MED27: variants seen among roughly 807,000 people sequenced by gnomAD.
MED27 encodes mediator complex subunit 27.
In MED27, 30 loss-of-function variants were observed where a neutral mutation model predicts 38.2. The ratio of observed to expected loss-of-function variants is 0.79; its 90% CI spans 0.59 to 1.07. The LOEUF is 1.07. Among genes scored for constraint, MED27 ranks in the 50% least tolerant of loss-of-function variants. The probability of loss-of-function intolerance (pLI) is 0.00; values close to 1 mark genes in which losing one functional copy is unlikely to be tolerated. For synonymous variants in MED27, 122 were observed against 153.5 expected (o/e 0.79, Z 1.52); for missense variants, 289 against 397.5 (o/e 0.73, Z 2.32).
At chr9:132,068,659 G>A (rs983331699) in intron 2 of MED27, among the ~76,000 whole-genome samples, 3 of 152,182 alleles carry the variant, frequency 2.0e-5, no homozygotes, top group Non-Finnish European at 4.4e-5. Flanking sequence ...AGGGATCTGG[G>A]TAGGTGGCTG....
At chr9:131,874,485 A>G (rs1272180030) in intron 6 of MED27, among the ~76,000 whole-genome samples, 1 of 152,040 alleles carries the variant, frequency 6.6e-6, no homozygotes, top group African/African-American at 2.4e-5. Flanking sequence ...AATGGGAGAG[A>G]AAGTGGACAG....
At chr9:132,008,401 C>T (rs574350859) in intron 3 of MED27, among the ~76,000 whole-genome samples, 2 of 152,310 alleles carry the variant, frequency 1.3e-5, no homozygotes, top group African/African-American at 2.4e-5. Flanking sequence ...TTTACGGAAA[C>T]GATAGCACCC....
chr9:131,863,471 TC>T (rs1324480491), intron 6 of MED27, among the ~76,000 whole-genome samples: 3 of 152,170 alleles, frequency 2.0e-5, no homozygotes, highest in Non-Finnish European at 4.4e-5. Context: ...ATCCCAAGCC[TC>T]CCTGCTCAGC....
intron 3 of MED27, among the ~76,000 whole-genome samples, chr9:131,957,051 C>A (rs1831120489): frequency 6.6e-6 from 1 of 152,182 alleles, no homozygotes; most frequent in African/African-American, 2.4e-5. Flanking sequence ...GGTGAGGATG[C>A]AGAGCAAGGA....
intron 6 of MED27, among the ~76,000 whole-genome samples, chr9:131,881,234 A>G (rs548897985): frequency 6.6e-6 from 1 of 152,366 alleles, no homozygotes; most frequent in South Asian, 2.1e-4. Flanking sequence ...AATGACAAGG[A>G]CAGTCAGCAC....
intron 4 of MED27, among the ~76,000 whole-genome samples, chr9:131,908,664 G>A (rs1324100049): frequency 6.6e-6 from 1 of 152,114 alleles, no homozygotes; most frequent in Non-Finnish European, 1.5e-5. Context: ...TTGTTAAACC[G>A]ATGCTTGAAG....
intron 2 of MED27, among the ~76,000 whole-genome samples, chr9:132,023,480 T>G (rs1252392931): frequency 6.6e-6 from 1 of 152,224 alleles, no homozygotes; most frequent in Non-Finnish European, 1.5e-5. Flanking sequence ...TAGATTTAGC[T>G]GGAGAGTTTA....
Position 131,860,622 on chromosome 9 carries a change from G to A in MED27, c.852C>T (p.Cys284=), listed in dbSNP as rs750350301. 1.1e-5 allele frequency: 17 copies of A among 1,611,704 alleles called. No homozygotes were observed. Among genetic ancestry groups the A allele is most frequent in the East Asian group, 2.2e-5 (1 of 44,752 alleles). ...GAAGGCCGTCCTGCAGAAACTTCCC[G>A]CAGCGCTGGCACGGGGCCTGGAACA... ...IKLFQAPCQR[C]GKFLQDGLPP... The change falls in exon 8 of 8, where the codon TGC becomes TGT. Residue 284 remains cysteine (C), a synonymous_variant. Coordinates refer to ENST00000292035, the MANE Select transcript of MED27 (RefSeq NM_004269.4). The surrounding 1 kb of genome is among the most constrained non-coding windows in gnomAD (Gnocchi z 5.8).
chr9:131,947,209 G>T lies in MED27; in HGVS notation c.480-7735C>A, dbSNP rs190603590. Among the ~76,000 whole-genome samples the T allele has an allele frequency of 1.0e-3, 155 of 152,240 alleles. 1 individual carries two copies. Among genetic ancestry groups the T allele is most frequent in the South Asian group, 6.0e-3 (29 of 4,810 alleles). On this transcript the variant is annotated intron_variant, in intron 3 of 7. Transcript: ENST00000292035. ...TCTCTTTAGCAGAGGAAGATGTGAG[G>T]TGTCGGGGGTCCATTACATTAGCCA...
Position 131,967,059 on chromosome 9 carries a change from G to A in MED27, c.480-27585C>T, listed in dbSNP as rs188780640. On this transcript the variant is annotated intron_variant, in intron 3 of 7. Transcript: ENST00000292035. ...AATAACCATGCATGTAATGTGCTTGGCACAGGGTCTAGCATATGATATGTG... is the reference window on the plus strand; with the variant it reads ...AATAACCATGCATGTAATGTGCTTGACACAGGGTCTAGCATATGATATGTG... Among the ~76,000 whole-genome samples, 4 of 152,330 alleles carry A rather than the reference G, an allele frequency of 2.6e-5. No homozygotes were observed. The East Asian group carries it at 7.7e-4, about 29-fold the overall frequency.
chr9:131,894,704 C>A (rs951726001), intron 4 of MED27, among the ~76,000 whole-genome samples: 2 of 152,070 alleles, frequency 1.3e-5, no homozygotes, highest in African/African-American at 2.4e-5. Context: ...ATAGGCTCAG[C>A]ACCAAGAATA....
intron 3 of MED27, among the ~76,000 whole-genome samples, chr9:131,953,722 A>T (rs1274889376): frequency 6.6e-6 from 1 of 152,148 alleles, no homozygotes; most frequent in Non-Finnish European, 1.5e-5. Flanking sequence ...ACAGTAAGGC[A>T]GGTAATTAAA....
intron 2 of MED27, among the ~76,000 whole-genome samples, chr9:132,059,240 G>C (rs1833648219): frequency 6.6e-6 from 1 of 152,198 alleles, no homozygotes; most frequent in Admixed American, 6.5e-5. Flanking sequence ...CCGAACTTTG[G>C]AGAAAGTCTG....
intron 4 of MED27, among the ~76,000 whole-genome samples, chr9:131,933,120 C>A (rs1830619600): frequency 6.6e-6 from 1 of 152,026 alleles, no homozygotes; most frequent in African/African-American, 2.4e-5. Context: ...CATACTTCAA[C>A]ATAATAAAAG....
intron 3 of MED27, among the ~76,000 whole-genome samples, chr9:131,994,788 T>C (rs1026659285): frequency 2.6e-5 from 4 of 152,144 alleles, no homozygotes; most frequent in African/African-American, 9.7e-5. Flanking sequence ...TGTTATAATA[T>C]ATAACACCCA....
intron 5 of MED27, among the ~76,000 whole-genome samples, chr9:131,891,433 T>A (rs1401069632): frequency 6.6e-6 from 1 of 152,212 alleles, no homozygotes; most frequent in African/African-American, 2.4e-5. Flanking sequence ...AATGTCACAA[T>A]ATGCTCTAAG....
chr9:131,881,113 G>A (rs1031075700), intron 6 of MED27, among the ~76,000 whole-genome samples: 1 of 152,120 alleles, frequency 6.6e-6, no homozygotes, highest in African/African-American at 2.4e-5. Flanking sequence ...ACCAGATTGA[G>A]GGGAAAAGCT....
At chr9:131,951,325 T>C (rs1830992315) in intron 3 of MED27, among the ~76,000 whole-genome samples, 1 of 152,192 alleles carries the variant, frequency 6.6e-6, no homozygotes, top group Admixed American at 6.5e-5. Context: ...GGAATGACTG[T>C]TTATTTGTTT....
At chr9:132,037,288 A>G (rs975039190) in intron 2 of MED27, among the ~76,000 whole-genome samples, 14 of 152,324 alleles carry the variant, frequency 9.2e-5, no homozygotes, top group Non-Finnish European at 1.2e-4. Context: ...TACGGTTACT[A>G]TACACTGGTA....
Sources: allele counts gnomAD v4.1 joint callset (sites outside exome capture counted in the v4.1 genomes callset), GRCh38; gene constraint gnomAD v4.1.1; non-coding constraint Gnocchi (gnomAD v3.1); transcripts MANE v1.5; gene names NCBI Gene and HGNC (gene_info 2026-07-23, HGNC 2026-07-21).